DLGAP2: variants seen among roughly 807,000 people sequenced by gnomAD.
The protein encoded by DLGAP2 is disks large-associated protein 2.
A neutral mutation model predicts 100.3 loss-of-function variants in DLGAP2; 26 were observed. The ratio of observed to expected loss-of-function variants is 0.26; its 90% confidence interval spans 0.19 to 0.36. DLGAP2 has a LOEUF of 0.36. DLGAP2 is among the 10% of genes least tolerant of loss of function. DLGAP2 has a pLI of 1.00. For synonymous variants in DLGAP2, 886 were observed against 630.1 expected (o/e 1.41, Z -6.08); for missense variants, 1,858 against 1,453.2 (o/e 1.28, Z -4.53).
intron 1 of DLGAP2, among the ~76,000 whole-genome samples, chr8:793,304 G>T (rs937704148): frequency 6.6e-6 from 1 of 152,148 alleles, no homozygotes; most frequent in African/African-American, 2.4e-5. Context: ...CTTTAAAACC[G>T]CTGCCTTCTA....
intron 2 of DLGAP2, among the ~76,000 whole-genome samples, chr8:931,235 G>T (rs76850965): frequency 0.015 from 2,295 of 152,292 alleles, 68 homozygotes; most frequent in African/African-American, 0.052. Context: ...GAGGAGCAGC[G>T]TGTGCAGCTG....
At chr8:1,252,254 C>T (rs776779887) in intron 2 of DLGAP2, among the ~76,000 whole-genome samples, 19 of 147,740 alleles carry the variant, frequency 1.3e-4, no homozygotes, top group Non-Finnish European at 2.1e-4. Flanking sequence ...TGTCCTGGGT[C>T]GTGGTGTCAC....
intron 2 of DLGAP2, among the ~76,000 whole-genome samples, chr8:1,255,514 G>A (rs1012868348): frequency 8.1e-6 from 1 of 124,112 alleles, no homozygotes; most frequent in Non-Finnish European, 1.6e-5. Context: ...CGCTGTGTGT[G>A]TGTCATCTCC....
At chr8:768,502 G>A (rs1409556266) in intron 1 of DLGAP2, among the ~76,000 whole-genome samples, 1 of 138,632 alleles carries the variant, frequency 7.2e-6, no homozygotes, top group East Asian at 2.1e-4. Context: ...TTGGCTCACT[G>A]CAACCTCCAC....
intron 4 of DLGAP2, among the ~76,000 whole-genome samples, chr8:1,503,747 T>C (rs1262715790): frequency 6.6e-6 from 1 of 151,714 alleles, no homozygotes; most frequent in Non-Finnish European, 1.5e-5. Flanking sequence ...TGCCATGGGG[T>C]GGGGGTTGGC....
At chr8:1,074,146 G>T (rs1803526338) in intron 2 of DLGAP2, among the ~76,000 whole-genome samples, 1 of 142,670 alleles carries the variant, frequency 7.0e-6, no homozygotes, top group African/African-American at 2.9e-5. Context: ...GACTGAGGCT[G>T]AACTCACCCA....
intron 2 of DLGAP2, among the ~76,000 whole-genome samples, chr8:1,051,774 C>T (rs1006769427): frequency 9.2e-5 from 14 of 152,216 alleles, no homozygotes; most frequent in African/African-American, 2.9e-4. Context: ...ACCTCTGTCT[C>T]ATGCCTGCTC....
intron 1 of DLGAP2, among the ~76,000 whole-genome samples, chr8:894,601 TG>T (rs891845241): frequency 2.1e-5 from 1 of 48,412 alleles, no homozygotes; most frequent in African/African-American, 8.7e-5. Context: ...AGGGGTGTGG[TG>T]GGGAGAGCAG....
At chr8:748,302 G>A (rs985836701) in intron 1 of DLGAP2, among the ~76,000 whole-genome samples, 6 of 148,858 alleles carry the variant, frequency 4.0e-5, no homozygotes, top group Non-Finnish European at 7.5e-5. Context: ...TGGTGGCTCC[G>A]TGGGGGACTC....
At chr8:1,265,997 A>T (rs1799442820) in intron 3 of DLGAP2, among the ~76,000 whole-genome samples, 1 of 152,246 alleles carries the variant, frequency 6.6e-6, no homozygotes, top group Non-Finnish European at 1.5e-5. Context: ...TTTATAATAG[A>T]TTCAAGATAT....
At chr8:1,084,303 T>C (rs1014610369) in intron 2 of DLGAP2, among the ~76,000 whole-genome samples, 1 of 152,256 alleles carries the variant, frequency 6.6e-6, no homozygotes, top group Non-Finnish European at 1.5e-5. Context: ...GGACATAAAC[T>C]GGTGCTATGA....
At chr8:815,851 T>A (rs1796466483) in intron 1 of DLGAP2, among the ~76,000 whole-genome samples, 1 of 152,236 alleles carries the variant, frequency 6.6e-6, no homozygotes, top group South Asian at 2.1e-4. Flanking sequence ...TTTATCTCAT[T>A]TCTTAGATGT....
chr8:1,251,702 CA>C (rs1799043941), intron 2 of DLGAP2, among the ~76,000 whole-genome samples: 1 of 152,200 alleles, frequency 6.6e-6, no homozygotes, highest in Non-Finnish European at 1.5e-5. Flanking sequence ...GGAGTCAGGT[CA>C]TCATGTCATA....
intron 1 of DLGAP2, among the ~76,000 whole-genome samples, chr8:768,628 G>A (rs1404559711): frequency 6.6e-6 from 1 of 151,754 alleles, no homozygotes; most frequent in East Asian, 1.9e-4. Context: ...GTTTCACCAT[G>A]TTAGCCAGGA....
At chr8:906,877 G>A (rs1037336731) in intron 1 of DLGAP2, among the ~76,000 whole-genome samples, 5 of 152,204 alleles carry the variant, frequency 3.3e-5, no homozygotes, top group African/African-American at 1.2e-4. Flanking sequence ...GCACAGAGTT[G>A]AAAATTGGTG....
intron 3 of DLGAP2, among the ~76,000 whole-genome samples, chr8:1,327,498 C>T (rs1054971713): frequency 3.3e-5 from 5 of 152,168 alleles, no homozygotes; most frequent in Non-Finnish European, 7.3e-5. Context: ...AAAATAGATC[C>T]AGAGAAGTTG....
chr8:1,324,784 T>G (rs1229677846), intron 3 of DLGAP2, among the ~76,000 whole-genome samples: 1 of 152,192 alleles, frequency 6.6e-6, no homozygotes, highest in Non-Finnish European at 1.5e-5. Flanking sequence ...TCCTAAAATA[T>G]CAGAGGAGCG....
At chr8:1,556,919 G>A (rs1801983951) in intron 5 of DLGAP2, among the ~76,000 whole-genome samples, 1 of 152,170 alleles carries the variant, frequency 6.6e-6, no homozygotes. Context: ...CATGCACCCA[G>A]CATTTCTCAA....
At chr8:1,541,290 T>C (rs1801353847) in intron 4 of DLGAP2, among the ~76,000 whole-genome samples, 1 of 152,234 alleles carries the variant, frequency 6.6e-6, no homozygotes, top group Non-Finnish European at 1.5e-5. Flanking sequence ...CTGTTGGTAG[T>C]TTAAGACATT....
Sources: allele counts gnomAD v4.1 joint callset (sites outside exome capture counted in the v4.1 genomes callset), GRCh38; gene constraint gnomAD v4.1.1; transcripts MANE v1.5; gene names NCBI Gene and HGNC (gene_info 2026-07-23, HGNC 2026-07-21).